Variants in PDE10A observed in about 807,000 individuals in gnomAD.
PDE10A encodes phosphodiesterase 10A, also known as cAMP and cAMP-inhibited cGMP 3',5'-cyclic phosphodiesterase 10A.
A neutral mutation model predicts 97.7 loss-of-function variants in PDE10A; 39 were observed. The ratio of observed to expected loss-of-function variants is 0.40; its 90% confidence interval spans 0.31 to 0.52. The LOEUF is 0.52. Ranked by LOEUF, PDE10A falls within the 20% of genes least tolerant of loss-of-function variation. The pLI, the probability that PDE10A is intolerant of heterozygous loss-of-function variation, is 0.56. For missense variants in PDE10A, 731 were observed against 1,047.8 expected, an observed-to-expected ratio of 0.70 and a Z score of 4.17; for synonymous variants, 371 against 376.8, an observed-to-expected ratio of 0.98 and a Z score of 0.18.
intron 1 of PDE10A, among the ~76,000 whole-genome samples, chr6:165,772,907 T>C (rs1223674665): frequency 1.3e-5 from 2 of 152,246 alleles, no homozygotes; most frequent in Non-Finnish European, 2.9e-5. Flanking sequence ...GGCATCCTTT[T>C]CGTAGAAATC....
intron 1 of PDE10A, among the ~76,000 whole-genome samples, chr6:165,928,624 G>C (rs1335054358): frequency 6.6e-6 from 1 of 152,180 alleles, no homozygotes; most frequent in Non-Finnish European, 1.5e-5. Context: ...CCACTCTACA[G>C]GAAATAAAAG....
chr6:165,976,269 C>T (rs1784842684), intron 1 of PDE10A, among the ~76,000 whole-genome samples: 1 of 152,136 alleles, frequency 6.6e-6, no homozygotes, highest in African/African-American at 2.4e-5. Context: ...GACTCAGCCC[C>T]AGTGATTTTA....
Position 165,662,671 on chromosome 6 carries a change from CG to C in PDE10A, c.140del (p.Pro47ArgfsTer127), listed in dbSNP as rs1790346564. ...SAAGGGSAAG[P>X]GPAPEWPGRG... Reference sequence around the variant, plus strand: ...GGCCAGGCCACTCGGGGGCCGGGCCCGGGCCCGCCGCGCTCCCCCCGCCGGC... The same window carrying C: ...GGCCAGGCCACTCGGGGGCCGGGCCCGGCCCGCCGCGCTCCCCCCGCCGGC... On this transcript the variant is annotated frameshift_variant, in exon 1 of 22. Coordinates refer to ENST00000539869, the MANE Select transcript of PDE10A (RefSeq NM_001385079.1). LOFTEE classifies it high-confidence loss of function. 1 of 139,598 alleles carries C rather than the reference CG, an allele frequency of 7.2e-6. No homozygotes were observed. Among genetic ancestry groups the C allele is most frequent in the African/African-American group, 2.6e-5 (1 of 38,728 alleles). 8.6% of individuals were successfully genotyped at this position (139,598 alleles called of 1,614,324 possible).
intron 1 of PDE10A, among the ~76,000 whole-genome samples, chr6:165,550,712 T>C (rs1336663835): frequency 6.6e-6 from 1 of 152,210 alleles, no homozygotes; most frequent in Non-Finnish European, 1.5e-5. Flanking sequence ...GAATTAATAA[T>C]TGAGGAAGTC....
chr6:165,435,685 C>T (rs1036737071), intron 5 of PDE10A, among the ~76,000 whole-genome samples: 2 of 152,136 alleles, frequency 1.3e-5, no homozygotes, highest in Non-Finnish European at 2.9e-5. Context: ...TGCATCCTGT[C>T]ATTGGGATCA....
intron 1 of PDE10A, among the ~76,000 whole-genome samples, chr6:165,619,159 G>GTGTCGTGTAGTC (rs1562634002): frequency 5.8e-5 from 7 of 120,974 alleles, no homozygotes; most frequent in African/African-American, 1.2e-4. Flanking sequence ...GTCGTGTAGT[G>GTGTCGTGTAGTC]TAGTGTAGTG....
intron 18 of PDE10A, among the ~76,000 whole-genome samples, chr6:165,346,568 A>G (rs1249155561): frequency 6.6e-6 from 1 of 152,140 alleles, no homozygotes; most frequent in Non-Finnish European, 1.5e-5. Flanking sequence ...GCTAAGTGCC[A>G]TCCTATTTCA....
chr6:165,413,463 T>A (rs1186977356), intron 13 of PDE10A, 38 bp downstream of exon 13: 3 of 1,388,860 alleles, frequency 2.2e-6, no homozygotes, highest in Non-Finnish European at 3.0e-6. Context: ...AAATTAATAT[T>A]GAGTAGTAAA....
Position 165,555,034 on chromosome 6 carries a change from G to C in PDE10A, c.866-11466C>G, listed in dbSNP as rs1297079853. Among the ~76,000 whole-genome samples the C allele has an allele frequency of 3.9e-5, 6 of 152,248 alleles. No homozygotes were observed. In the South Asian group the frequency reaches 1.2e-3, roughly 32 times the overall value. ...CCAGAGAGGCTAGGAAGTGTAGTAG[G>C]GGGCTAGGAGGAGGTAGGAATCATT... On this transcript the variant is annotated intron_variant, in intron 1 of 21. Transcript: ENST00000539869.
At chr6:165,682,136 CTTG>C (rs1406118509) in intron 1 of PDE10A, among the ~76,000 whole-genome samples, 1 of 152,042 alleles carries the variant, frequency 6.6e-6, no homozygotes, top group Non-Finnish European at 1.5e-5. Context: ...AAATTTATAT[CTTG>C]TTGTCTTTTT....
chr6:165,881,983 G>A (rs1348853353), intron 1 of PDE10A, among the ~76,000 whole-genome samples: 1 of 152,176 alleles, frequency 6.6e-6, no homozygotes, highest in Non-Finnish European at 1.5e-5. Flanking sequence ...TCTGCTGCCT[G>A]AGGACATTAC....
At chr6:165,637,937 T>C (rs1453755394) in intron 1 of PDE10A, among the ~76,000 whole-genome samples, 1 of 152,218 alleles carries the variant, frequency 6.6e-6, no homozygotes, top group Non-Finnish European at 1.5e-5. Flanking sequence ...AGAAAACGCT[T>C]TGTAGCCTTC....
chr6:165,858,744 G>C (rs1176563185), intron 1 of PDE10A, among the ~76,000 whole-genome samples: 1 of 152,120 alleles, frequency 6.6e-6, no homozygotes, highest in African/African-American at 2.4e-5. Flanking sequence ...ATCAGTGAAG[G>C]CTTTTAAGGA....
intron 3 of PDE10A, among the ~76,000 whole-genome samples, chr6:165,454,752 T>C (rs1475250749): frequency 6.6e-6 from 1 of 152,178 alleles, no homozygotes; most frequent in Admixed American, 6.5e-5. Flanking sequence ...TATTCCGGTA[T>C]AGCAACACAA....
At chr6:165,622,300 G>T (rs1034849041) in intron 1 of PDE10A, among the ~76,000 whole-genome samples, 1 of 151,316 alleles carries the variant, frequency 6.6e-6, no homozygotes, top group African/African-American at 2.5e-5. Context: ...GTGTGTATGT[G>T]CATGCGTGTG....
At chr6:165,475,726 A>T (rs1377206767) in intron 3 of PDE10A, among the ~76,000 whole-genome samples, 3 of 152,240 alleles carry the variant, frequency 2.0e-5, no homozygotes, top group African/African-American at 7.2e-5. Context: ...AAATCCAGAG[A>T]AACTTCATGA....
intron 17 of PDE10A, among the ~76,000 whole-genome samples, chr6:165,387,475 A>C: frequency 6.6e-6 from 1 of 152,200 alleles, no homozygotes; most frequent in East Asian, 1.9e-4. Flanking sequence ...TGGCCTATTC[A>C]ACAGAGAAAA....
At chr6:165,395,692 C>T (rs1786110601) in intron 14 of PDE10A, among the ~76,000 whole-genome samples, 1 of 152,050 alleles carries the variant, frequency 6.6e-6, no homozygotes, top group South Asian at 2.1e-4. Context: ...AGAGTTATTA[C>T]CTATTTTTCA....
chr6:165,578,502 C>A (rs1369409917), intron 1 of PDE10A, among the ~76,000 whole-genome samples: 1 of 152,076 alleles, frequency 6.6e-6, no homozygotes, highest in African/African-American at 2.4e-5. Flanking sequence ...CCTCACTGTT[C>A]CAGAATAAAG....
Sources: allele counts gnomAD v4.1 joint callset (sites outside exome capture counted in the v4.1 genomes callset), GRCh38; gene constraint gnomAD v4.1.1; transcripts MANE v1.5; gene names NCBI Gene and HGNC (gene_info 2026-07-23, HGNC 2026-07-21).